Variants in FAM83B observed in about 807,000 individuals in gnomAD.
FAM83B encodes protein FAM83B.
FAM83B carries 26 observed loss-of-function variants against 38.8 expected under a neutral mutation model. The ratio of observed to expected loss-of-function variants is 0.67; its 90% CI spans 0.49 to 0.93. FAM83B has a LOEUF of 0.93. Ranked by LOEUF, FAM83B falls within the 40% of genes least tolerant of loss-of-function variation. The pLI, the probability that FAM83B is intolerant of heterozygous loss-of-function variation, is 0.00. For synonymous variants in FAM83B, 419 were observed against 423.1 expected, an observed-to-expected ratio of 0.99 and a Z score of 0.12; for missense variants, 1,237 against 1,197.3, an observed-to-expected ratio of 1.03 and a Z score of -0.49.
At position 54,907,353 on chromosome 6, in the gene FAM83B, T is replaced by A. The variant is rs536696336; in HGVS notation, c.445-19018T>A. On this transcript the variant is annotated intron_variant, in intron 2 of 4. Transcript: ENST00000306858. Reference sequence around the variant, plus strand: ...GATTTAGAAGTATTACCGTGGAAAATAAACAACCACAAAGCTTTATTAAAT... The same window carrying A: ...GATTTAGAAGTATTACCGTGGAAAAAAAACAACCACAAAGCTTTATTAAAT... Among the ~76,000 whole-genome samples the A allele has an allele frequency of 4.1e-4, 62 of 152,050 alleles. 1 individual carries two copies. The East Asian group carries it at 5.8e-3, about 14-fold the overall frequency.
intron 2 of FAM83B, among the ~76,000 whole-genome samples, chr6:54,920,331 A>C (rs547673536): frequency 6.6e-6 from 1 of 151,808 alleles, no homozygotes; most frequent in African/African-American, 2.4e-5. Flanking sequence ...GAGCTCCATT[A>C]ATCTGTTTTT....
rs1217230969 is a variant in FAM83B, at chr6:54,866,942, A to G, written c.-60-3245A>G. 3.9e-5 allele frequency among the ~76,000 whole-genome samples: 6 copies of G among 152,014 alleles called. No individual in the cohort carries two copies. In the South Asian group the frequency reaches 1.2e-3, roughly 31 times the overall value. ...TTCAGTGGAATTTCTACTTGATACA[A>G]ATGACCCTAAAGCTCAATATCAAAT... On this transcript the variant is annotated intron_variant, in intron 1 of 4. Transcript: ENST00000306858.
chr6:54,871,716 C>G (rs1329376661), intron 2 of FAM83B, among the ~76,000 whole-genome samples: 1 of 116,954 alleles, frequency 8.6e-6, no homozygotes, highest in Non-Finnish European at 1.6e-5. Flanking sequence ...GCCCTCTAGC[C>G]TGGGTGACAG....
At position 54,926,093 on chromosome 6, in the gene FAM83B, T is replaced by C. The variant is rs565452081; in HGVS notation, c.445-278T>C. Among the ~76,000 whole-genome samples the C allele has an allele frequency of 3.3e-5, 5 of 152,312 alleles. No individual in the cohort carries two copies. In the South Asian group the frequency reaches 1.0e-3, roughly 32 times the overall value. ...TACAGGCAGTCTTGAAATCCATGAT[T>C]TGGATTTGCCCATTTTTCAAAATCC... On this transcript the variant is annotated intron_variant, in intron 2 of 4. Transcript: ENST00000306858.
chr6:54,913,845 A>G (rs1772972301), intron 2 of FAM83B, among the ~76,000 whole-genome samples: 1 of 151,894 alleles, frequency 6.6e-6, no homozygotes, highest in Non-Finnish European at 1.5e-5. Context: ...AGCAAATTTC[A>G]TGCATCATAT....
rs549809239 is a variant in FAM83B at position 54,870,239 on chromosome 6, T to C, written c.-8T>C. On this transcript the variant is annotated 5_prime_UTR_variant, in exon 2 of 5. Coordinates refer to ENST00000306858, the MANE Select transcript of FAM83B (RefSeq NM_001010872.3). The stretch of plus-strand genomic sequence containing the variant: ...ATTTGAAAGTGCCATAGCCAAACAC[T>C]TGCAAGCATGGAGACCTCATCAATG... 8 of 1,605,702 alleles carry C rather than the reference T, an allele frequency of 5.0e-6. No homozygotes were observed. In the South Asian group the frequency reaches 7.7e-5, roughly 15 times the overall value.
At chr6:54,872,357 G>A (rs1300005186) in intron 2 of FAM83B, among the ~76,000 whole-genome samples, 1 of 152,146 alleles carries the variant, frequency 6.6e-6, no homozygotes, top group Non-Finnish European at 1.5e-5. Context: ...TACAAAATTT[G>A]AGGCTATATG....
chr6:54,884,003 C>T (rs1400836544), intron 2 of FAM83B, among the ~76,000 whole-genome samples: 1 of 151,820 alleles, frequency 6.6e-6, no homozygotes, highest in Non-Finnish European at 1.5e-5. Flanking sequence ...AACCCTGTCT[C>T]TACTAAAAAT....
chr6:54,937,864 TA>T (rs990669073), intron 4 of FAM83B, among the ~76,000 whole-genome samples: 1 of 152,112 alleles, frequency 6.6e-6, no homozygotes, highest in African/African-American at 2.4e-5. Flanking sequence ...AATTTTTCTT[TA>T]TTTTTTTTAA....
intron 2 of FAM83B, among the ~76,000 whole-genome samples, chr6:54,900,542 A>G (rs1282468517): frequency 1.3e-5 from 2 of 152,218 alleles, no homozygotes; most frequent in African/African-American, 4.8e-5. Flanking sequence ...ATTCAAAATG[A>G]AGCATTTATT....
intron 1 of FAM83B, among the ~76,000 whole-genome samples, chr6:54,848,275 C>A (rs1257349143): frequency 6.6e-6 from 1 of 152,126 alleles, no homozygotes; most frequent in Non-Finnish European, 1.5e-5. Context: ...CAAATTCCAC[C>A]CCCTTGCCTT....
chr6:54,883,030 G>A (rs897361563), intron 2 of FAM83B, among the ~76,000 whole-genome samples: 2 of 152,054 alleles, frequency 1.3e-5, no homozygotes, highest in African/African-American at 4.8e-5. Flanking sequence ...TGCAAGCTCC[G>A]CCTCCCGGGA....
chr6:54,938,963 A>G (rs1197629384), intron 4 of FAM83B, among the ~76,000 whole-genome samples: 1 of 152,044 alleles, frequency 6.6e-6, no homozygotes, highest in East Asian at 1.9e-4. Flanking sequence ...AGTTTTTATT[A>G]TGTTATCATC....
rs373563823 is a variant in FAM83B at position 54,941,748 on chromosome 6, C to G, written c.2777C>G (p.Ser926Cys). The change falls in exon 5 of 5, where the codon TCT (serine) becomes TGT (cysteine). Residue 926 changes from serine to cysteine, a missense_variant. By Grantham distance (112) the Ser-to-Cys change is moderately radical. Transcript: ENST00000306858. ...PRPTSSELLRSHSTDRRVYSR... is the reference protein window; with the variant it reads ...PRPTSSELLRCHSTDRRVYSR... ...CCAACGTCCAGTGAGCTTCTACGATCTCATTCAACTGATCGGCGTGTTTAC... is the reference window on the plus strand; with the variant it reads ...CCAACGTCCAGTGAGCTTCTACGATGTCATTCAACTGATCGGCGTGTTTAC... The G allele has an allele frequency of 3.7e-6, 6 of 1,614,114 alleles. No individual in the cohort carries two copies. Among genetic ancestry groups the G allele is most frequent in the Non-Finnish European group, 5.1e-6 (6 of 1,180,014 alleles).
chr6:54,853,948 TCAA>T (rs1415576836), intron 1 of FAM83B, among the ~76,000 whole-genome samples: 2 of 152,220 alleles, frequency 1.3e-5, no homozygotes, highest in Non-Finnish European at 2.9e-5. Context: ...GGTCAAAATA[TCAA>T]CATTAACAGC....
intron 1 of FAM83B, among the ~76,000 whole-genome samples, chr6:54,867,453 A>C (rs1195008997): frequency 2.0e-5 from 3 of 152,072 alleles, no homozygotes; most frequent in Non-Finnish European, 2.9e-5. Flanking sequence ...CTCCACCAGA[A>C]CAATATAAAG....
Position 54,939,734 on chromosome 6 carries a change from C to G in FAM83B, c.763C>G (p.Leu255Val). The change falls in exon 5 of 5, where the codon CTC becomes GTC. Residue 255 changes from leucine (L) to valine (V), a missense_variant. Transcript: ENST00000306858. Reference protein sequence around the residue: ...SYMWSFEKAHLSMVQIITGQL... With the variant: ...SYMWSFEKAHVSMVQIITGQL... Reference sequence around the variant, plus strand: ...TATGTGGTCATTTGAGAAAGCTCACCTCAGCATGGTTCAGATAATTACAGG... The same window carrying G: ...TATGTGGTCATTTGAGAAAGCTCACGTCAGCATGGTTCAGATAATTACAGG... 1 of 1,608,964 alleles carries G rather than the reference C, an allele frequency of 6.2e-7. No individual in the cohort carries two copies. Among genetic ancestry groups the G allele is most frequent in the Non-Finnish European group, 8.5e-7 (1 of 1,178,094 alleles).
At chr6:54,902,708 C>T (rs1319610644) in intron 2 of FAM83B, among the ~76,000 whole-genome samples, 3 of 148,852 alleles carry the variant, frequency 2.0e-5, no homozygotes, top group Non-Finnish European at 2.9e-5. Context: ...ATTGTCTCCT[C>T]ATTTTATTTC....
At chr6:54,892,602 T>C (rs1314059860) in intron 2 of FAM83B, among the ~76,000 whole-genome samples, 1 of 151,716 alleles carries the variant, frequency 6.6e-6, no homozygotes, top group African/African-American at 2.4e-5. Flanking sequence ...CATGGTCTTA[T>C]TCTTATTATG....
Sources: allele counts gnomAD v4.1 joint callset (sites outside exome capture counted in the v4.1 genomes callset), GRCh38; gene constraint gnomAD v4.1.1; transcripts MANE v1.5; gene names NCBI Gene and HGNC (gene_info 2026-07-23, HGNC 2026-07-21).